The following CLIP1 variants were observed in gnomAD, a reference collection of about 807,000 sequenced individuals.
The protein encoded by CLIP1 is CAP-Gly domain containing linker protein 1.
CLIP1 carries 66 observed loss-of-function variants against 161.6 expected under a neutral mutation model. That is an observed-to-expected ratio of 0.41 (90% confidence interval 0.33 to 0.50). The LOEUF is 0.50. Among genes scored for constraint, CLIP1 ranks in the 20% least tolerant of loss-of-function variants. CLIP1 has a pLI of 0.27. For synonymous variants in CLIP1, 598 were observed against 626.2 expected (o/e 0.96, Z 0.67); for missense variants, 1,376 against 1,702.0 (o/e 0.81, Z 3.37).
rs538469057 is a variant in CLIP1 at position 122,353,384 on chromosome 12, T to C, written c.1308-598A>G. 2.0e-5 allele frequency among the ~76,000 whole-genome samples: 3 copies of C among 152,246 alleles called. No homozygotes were observed. In the East Asian group the frequency reaches 5.8e-4, roughly 29 times the overall value. On this transcript the variant is annotated intron_variant, in intron 7 of 25. Transcript: ENST00000620786. ...TAAGCCACCTGTAATCCTAGCATTT[T>C]GTGAAGCTAAGGTGGACAGACTGCT...
intron 20 of CLIP1, among the ~76,000 whole-genome samples, chr12:122,306,339 T>C (rs1415204285): frequency 1.3e-5 from 2 of 152,136 alleles, no homozygotes; most frequent in Non-Finnish European, 2.9e-5. Context: ...GCTATGAAGC[T>C]GGAAGTAAAG....
chr12:122,350,322 A>G (rs983557898), intron 9 of CLIP1, among the ~76,000 whole-genome samples: 3 of 152,148 alleles, frequency 2.0e-5, no homozygotes, highest in African/African-American at 4.8e-5. Context: ...CAGGTTCTTT[A>G]CAACCAGCAG....
intron 3 of CLIP1, among the ~76,000 whole-genome samples, chr12:122,366,018 A>G (rs1954147714): frequency 6.6e-6 from 1 of 151,898 alleles, no homozygotes. Flanking sequence ...CAAAAAAATA[A>G]AAAAGTAAAT....
chr12:122,379,439 C>A (rs1467506023), intron 2 of CLIP1, among the ~76,000 whole-genome samples: 1 of 151,198 alleles, frequency 6.6e-6, no homozygotes, highest in East Asian at 1.9e-4. Flanking sequence ...CATGGTGAAA[C>A]CCCATCTCTA....
chr12:122,335,886 T>C (rs1418977952), intron 12 of CLIP1, among the ~76,000 whole-genome samples: 2 of 151,926 alleles, frequency 1.3e-5, no homozygotes, highest in Non-Finnish European at 2.9e-5. Flanking sequence ...GAGGAAGGGA[T>C]GTGGAGGACC....
At chr12:122,412,961 C>A in intron 1 of CLIP1, among the ~76,000 whole-genome samples, 1 of 152,080 alleles carries the variant, frequency 6.6e-6, no homozygotes, top group East Asian at 1.9e-4. Context: ...GCTACGTATC[C>A]CTTTCAACAG....
chr12:122,342,835 A>C (rs928727437), intron 10 of CLIP1: 2 of 151,468 alleles, frequency 1.3e-5, no homozygotes, highest in African/African-American at 4.8e-5. Flanking sequence ...CTAAAAAAAA[A>C]AAAAAACAAA....
At chr12:122,297,445 A>C (rs1191067050) in intron 20 of CLIP1, among the ~76,000 whole-genome samples, 1 of 152,190 alleles carries the variant, frequency 6.6e-6, no homozygotes, top group Non-Finnish European at 1.5e-5. Flanking sequence ...TGTGTGAACG[A>C]ATGTGTCATA....
In CLIP1 at chr12:122,390,793, G is replaced by GA. The variant is rs763901737; in HGVS notation, c.-106-10236dup. 3.5e-3 allele frequency among the ~76,000 whole-genome samples: 478 copies of GA among 137,112 alleles called. 3 individuals carry two copies. Among genetic ancestry groups the GA allele is most frequent in the African/African-American group, 0.011 (401 of 37,404 alleles). 90.0% of individuals were successfully genotyped at this position (137,112 alleles called of 152,430 possible). On this transcript the variant is annotated intron_variant, in intron 1 of 25. Coordinates refer to ENST00000620786, the MANE Select transcript of CLIP1 (RefSeq NM_001247997.2). ...ATCTCTCTTCTGCCAGATGAGGTAT[G>GA]AAAAAAAAAAAAGAATAAAATGTTT...
chr12:122,275,368 T>C (rs765952416), intron 24 of CLIP1: 9 of 151,988 alleles, frequency 5.9e-5, no homozygotes, highest in Non-Finnish European at 1.2e-4. Flanking sequence ...CCCAACACTT[T>C]GGGAGACAGA....
At chr12:122,366,016 TAAA>T (rs1252249335) in intron 3 of CLIP1, among the ~76,000 whole-genome samples, 4 of 145,520 alleles carry the variant, frequency 2.7e-5, no homozygotes, top group African/African-American at 1.0e-4. Flanking sequence ...CTCAAAAAAA[TAAA>T]AAAGTAAATA....
chr12:122,419,341 C>G (rs1956855639), intron 1 of CLIP1, among the ~76,000 whole-genome samples: 3 of 151,476 alleles, frequency 2.0e-5, no homozygotes, highest in African/African-American at 7.3e-5. Flanking sequence ...TACACTCTAG[C>G]CTGGGCAACA....
chr12:122,402,607 C>A (rs1956180737), intron 1 of CLIP1, among the ~76,000 whole-genome samples: 1 of 152,172 alleles, frequency 6.6e-6, no homozygotes, highest in South Asian at 2.1e-4. Flanking sequence ...GAAACCCCAT[C>A]TCTACTAAAA....
chr12:122,294,277 T>C (rs1389855470), intron 20 of CLIP1, among the ~76,000 whole-genome samples: 1 of 135,898 alleles, frequency 7.4e-6, no homozygotes, highest in African/African-American at 2.8e-5. Flanking sequence ...TGCAGTGAGC[T>C]GAGATGGCGC....
In CLIP1 at chr12:122,278,892, A is replaced by G. The variant is rs1204091061; in HGVS notation, c.3816T>C (p.Val1272=). 1.2e-6 allele frequency: 2 copies of G among 1,613,162 alleles called. No homozygotes were observed. Among genetic ancestry groups the G allele is most frequent in the Admixed American group, 1.7e-5 (1 of 59,876 alleles). Residue 1272 remains valine, a synonymous_variant, in exon 23 of 26, where the codon GTT becomes GTC. Transcript: ENST00000620786. ...CCTTATCAGACTCTAGAGTCTGAACAACTGAATGCAAGGACTTGGCAGAGG... is the reference window on the plus strand; with the variant it reads ...CCTTATCAGACTCTAGAGTCTGAACGACTGAATGCAAGGACTTGGCAGAGG... ...ENASAKSLHS[V]VQTLESDKVK...
At chr12:122,364,134 G>C (rs766408692) in intron 3 of CLIP1, 27 bp from the exon 4 acceptor site, 9 of 1,613,420 alleles carry the variant, frequency 5.6e-6, no homozygotes, top group Admixed American at 1.7e-5. Context: ...TTAAAATAAA[G>C]AGATGAACAT....
At chr12:122,333,248 C>T in intron 14 of CLIP1, 105 bp from the exon 15 acceptor site, 1 of 836,490 alleles carries the variant, frequency 1.2e-6, no homozygotes, top group Non-Finnish European at 1.8e-6. Flanking sequence ...AATTCTTGTC[C>T]TCATAAAAAT....
Position 122,272,144 on chromosome 12 carries a change from A to G in CLIP1, c.*731T>C, listed in dbSNP as rs1230553831. On this transcript the variant is annotated 3_prime_UTR_variant, in exon 26 of 26. Coordinates refer to ENST00000620786, the MANE Select transcript of CLIP1 (RefSeq NM_001247997.2). The stretch of plus-strand genomic sequence containing the variant: ...ATTGTGTATGTTTTTTTCCCAAAAT[A>G]TAGATTTTTAAAAAATATATACATA... 1 of 152,384 alleles carries G rather than the reference A, an allele frequency of 6.6e-6. No individual in the cohort carries two copies. Among genetic ancestry groups the G allele is most frequent in the Non-Finnish European group, 1.5e-5 (1 of 68,040 alleles). The allele number at this position is 152,384 out of a possible 1,614,324, so 9.4% of individuals were successfully genotyped here.
At chr12:122,313,157 G>C (rs1278910111) in intron 19 of CLIP1, among the ~76,000 whole-genome samples, 1 of 152,146 alleles carries the variant, frequency 6.6e-6, no homozygotes, top group African/African-American at 2.4e-5. Context: ...AACAGTCCCA[G>C]CCATATTGTG....
Sources: gnomAD v4.1 joint callset for allele counts (sites outside exome capture counted in the v4.1 genomes callset) on GRCh38, gnomAD v4.1.1 for gene constraint, MANE v1.5 for transcripts, NCBI Gene and HGNC (gene_info 2026-07-23, HGNC 2026-07-21) for gene names.